Variants in PCDHGB3 observed in about 807,000 individuals in gnomAD.
PCDHGB3 encodes the protein protocadherin gamma-B3.
PCDHGB3 carries 40 observed loss-of-function variants against 59.2 expected under a neutral mutation model. The ratio of observed to expected loss-of-function variants is 0.68; its 90% CI spans 0.52 to 0.88. The LOEUF is 0.88. Among genes scored for constraint, PCDHGB3 ranks in the 40% least tolerant of loss-of-function variants. The probability of loss-of-function intolerance (pLI) is 0.00; values close to 1 mark genes in which losing one functional copy is unlikely to be tolerated. For synonymous variants in PCDHGB3, 581 were observed against 503.6 expected, an observed-to-expected ratio of 1.15 and a Z score of -2.06; for missense variants, 1,309 against 1,187.9, an observed-to-expected ratio of 1.10 and a Z score of -1.50.
chr5:141,399,300 C>T (rs985419238), intron 1 of PCDHGB3: 3 of 1,613,792 alleles, frequency 1.9e-6, no homozygotes, highest in Non-Finnish European at 2.5e-6. Flanking sequence ...TTAAGATTAT[C>T]TCTTCATCCA....
chr5:141,425,843 G>A (rs2096898027), intron 1 of PCDHGB3, among the ~76,000 whole-genome samples: 1 of 152,118 alleles, frequency 6.6e-6, no homozygotes, highest in African/African-American at 2.4e-5. Flanking sequence ...TCTCTTTGCT[G>A]GGTTAATGAC....
intron 1 of PCDHGB3, chr5:141,389,604 G>C: frequency 6.2e-7 from 1 of 1,613,156 alleles, no homozygotes; most frequent in Non-Finnish European, 8.5e-7. Flanking sequence ...TGCGCTCTTC[G>C]ATATGGTGCC....
intron 1 of PCDHGB3, chr5:141,402,861 A>G (rs2094315270): frequency 7.0e-7 from 1 of 1,430,150 alleles, no homozygotes; most frequent in Non-Finnish European, 9.2e-7. Context: ...CTTCTAAGGA[A>G]AAGATCACCA....
intron 1 of PCDHGB3, chr5:141,427,495 C>T: frequency 1.8e-6 from 1 of 562,648 alleles, no homozygotes; most frequent in South Asian, 1.5e-5. Flanking sequence ...AAGCTTGTAA[C>T]AGATGGGACC....
At chr5:141,483,772 G>C (rs2099586910) in intron 1 of PCDHGB3, among the ~76,000 whole-genome samples, 1 of 152,140 alleles carries the variant, frequency 6.6e-6, no homozygotes, top group Non-Finnish European at 1.5e-5. Flanking sequence ...AAAAATATTG[G>C]GGAAGGATAA....
At chr5:141,417,710 TC>T (rs1471403767) in intron 1 of PCDHGB3, 1 of 1,249,228 alleles carries the variant, frequency 8.0e-7, no homozygotes, top group Non-Finnish European at 1.1e-6. Flanking sequence ...ACACAGAGGC[TC>T]CCGGCTGCGC....
intron 1 of PCDHGB3, chr5:141,478,873 T>C: frequency 7.8e-7 from 1 of 1,274,424 alleles, no homozygotes; most frequent in African/African-American, 1.5e-5. Context: ...GATCAGAGTT[T>C]AGCTTGGTAT....
intron 1 of PCDHGB3, chr5:141,389,105 T>C (rs1394118929): frequency 1.9e-6 from 3 of 1,614,018 alleles, no homozygotes; most frequent in East Asian, 2.2e-5. Context: ...CAGATGCTGT[T>C]CTAGACCGCG....
chr5:141,397,491 A>G (rs1462298713), intron 1 of PCDHGB3, among the ~76,000 whole-genome samples: 1 of 152,230 alleles, frequency 6.6e-6, no homozygotes, highest in Non-Finnish European at 1.5e-5. Flanking sequence ...AAATGAACAG[A>G]AGAATGATAA....
intron 1 of PCDHGB3, among the ~76,000 whole-genome samples, chr5:141,484,358 G>A (rs2099595185): frequency 6.6e-6 from 1 of 152,160 alleles, no homozygotes; most frequent in South Asian, 2.1e-4. Flanking sequence ...AGTGTATCTA[G>A]TGTATCACTA....
At chr5:141,402,910 G>A in intron 1 of PCDHGB3, 2 of 1,549,722 alleles carry the variant, frequency 1.3e-6, no homozygotes, top group Non-Finnish European at 1.7e-6. Context: ...ATGAAGCAGC[G>A]CGCACAGAGA....
chr5:141,408,201 C>T (rs1036342508), intron 1 of PCDHGB3: 4 of 1,548,914 alleles, frequency 2.6e-6, no homozygotes, highest in South Asian at 2.4e-5. Flanking sequence ...CCCGAGCGAA[C>T]GATGGGAGGG....
rs775165911 is a variant in PCDHGB3, at chr5:141,372,621, T to C, written c.2227T>C (p.Tyr743His). 6.2e-7 allele frequency: 1 copy of C among 1,614,026 alleles called. No individual in the cohort carries two copies. The highest frequency in any genetic ancestry group is 2.2e-5 in the East Asian group (1 of 44,878). ...FKTVPGVLPTYSERTLPYSYN... is the reference protein window; with the variant it reads ...FKTVPGVLPTHSERTLPYSYN... ...GACTGTACCTGGAGTTCTCCCCACC[T>C]ACAGCGAAAGGACTTTGCCTTATTC... Residue 743 changes from tyrosine (Y) to histidine (H), a missense_variant, in exon 1 of 4, where the codon TAC (tyrosine) becomes CAC (histidine). By Grantham distance (83) the Tyr-to-His change is moderately conservative. Coordinates refer to ENST00000576222, the MANE Select transcript of PCDHGB3 (RefSeq NM_018924.5).
At chr5:141,421,060 A>C (rs1394861719) in intron 1 of PCDHGB3, 3 of 579,718 alleles carry the variant, frequency 5.2e-6, no homozygotes, top group Non-Finnish European at 8.8e-6. Context: ...TACCACACAA[A>C]GCGGAATGAG....
intron 1 of PCDHGB3, chr5:141,408,684 A>G (rs1660685979): frequency 6.2e-7 from 1 of 1,613,862 alleles, no homozygotes; most frequent in African/African-American, 1.3e-5. Context: ...ACGGATCCTG[A>G]TATAAACATA....
In PCDHGB3 at chr5:141,371,597, A is replaced by T. The variant is rs982667859; in HGVS notation, c.1203A>T (p.Thr401=). 6.2e-7 allele frequency: 1 copy of T among 1,613,908 alleles called. No individual in the cohort carries two copies. The highest frequency in any genetic ancestry group is 1.3e-5 in the African/African-American group (1 of 74,934). Residue 401 remains threonine, a synonymous_variant, in exon 1 of 4, where the codon ACA becomes ACT. Transcript: ENST00000576222. ...PFKIVQDTKN[T]YRLVTDGALD... is the part of the protein sequence containing the mutation. ...AAATCGTTCAAGATACCAAAAACAC[A>T]TACAGGTTGGTGACAGATGGAGCCC...
chr5:141,375,676 G>A, intron 1 of PCDHGB3: 1 of 1,614,220 alleles, frequency 6.2e-7, no homozygotes, highest in Middle Eastern at 1.6e-4. Flanking sequence ...TACAGCTGTG[G>A]GTGACAGCCA....
At chr5:141,499,272 GT>G (rs772636179) in intron 2 of PCDHGB3, among the ~76,000 whole-genome samples, 3 of 152,122 alleles carry the variant, frequency 2.0e-5, no homozygotes, top group Non-Finnish European at 4.4e-5. Flanking sequence ...TCCCTAGACT[GT>G]TCTCTGATGG....
chr5:141,458,972 GTCC>G (rs2154566422), intron 1 of PCDHGB3, among the ~76,000 whole-genome samples: 1 of 151,882 alleles, frequency 6.6e-6, no homozygotes, highest in East Asian at 1.9e-4. Context: ...GCCTCAAGCA[GTCC>G]TCCTGCCTCA....
Sources: allele counts gnomAD v4.1 joint callset (sites outside exome capture counted in the v4.1 genomes callset), GRCh38; gene constraint gnomAD v4.1.1; transcripts MANE v1.5; gene names NCBI Gene and HGNC (gene_info 2026-07-23, HGNC 2026-07-21).